ADGRG2: variants seen among roughly 807,000 people sequenced by gnomAD.
ADGRG2 encodes the protein G protein-coupled receptor 64.
ADGRG2 carries 26 observed loss-of-function variants against 74.1 expected under a neutral mutation model. The observed-to-expected ratio is 0.35, with a 90% CI of 0.26 to 0.49. The LOEUF is 0.49. Ranked by LOEUF, ADGRG2 falls within the 20% of genes least tolerant of loss-of-function variation. The pLI, the probability that ADGRG2 is intolerant of heterozygous loss-of-function variation, is 0.99. For missense variants in ADGRG2, 619 were observed against 763.1 expected, an observed-to-expected ratio of 0.81 and a Z score of 2.22; for synonymous variants, 296 against 295.2, an observed-to-expected ratio of 1.00 and a Z score of -0.03.
chrX:18,996,563 C>T (rs2060022523), intron 26 of ADGRG2, among the ~76,000 whole-genome samples: 2 of 109,544 alleles, frequency 1.8e-5, no homozygotes, highest in South Asian at 8.0e-4. Context: ...GCCATCTCCT[C>T]CACACATCTT....
intron 3 of ADGRG2, among the ~76,000 whole-genome samples, chrX:19,061,163 A>G (rs774774600): frequency 1.8e-5 from 2 of 111,651 alleles, no homozygotes; most frequent in Non-Finnish European, 3.8e-5. Context: ...TGAAGTCTAT[A>G]CAGAAGTTTG....
chrX:19,007,180 T>C (rs2060253655), intron 20 of ADGRG2, 55 bp downstream of exon 20: 1 of 1,169,925 alleles, frequency 8.5e-7, no homozygotes, highest in African/African-American at 1.8e-5. Context: ...CTTACAAGCA[T>C]AGTTTGTACA....
intron 6 of ADGRG2, among the ~76,000 whole-genome samples, chrX:19,036,616 AACACACACACACAC>A (rs534574581): frequency 4.2e-5 from 4 of 94,687 alleles, no homozygotes; most frequent in Non-Finnish European, 8.5e-5. Flanking sequence ...TCATACTTAA[AACACACACACACAC>A]ACACACACAC....
intron 1 of ADGRG2, among the ~76,000 whole-genome samples, chrX:19,088,098 C>A (rs760041565): frequency 8.9e-6 from 1 of 112,148 alleles, no homozygotes; most frequent in East Asian, 2.8e-4. Flanking sequence ...TAAGGCATTC[C>A]AAAACAGGAC....
chrX:19,007,911 A>G (rs1264145832), intron 19 of ADGRG2, 69 bp downstream of exon 19: 3 of 923,966 alleles, frequency 3.2e-6, no homozygotes, highest in African/African-American at 2.0e-5. Context: ...ATATTCGAGC[A>G]CTAAAAGAAA....
Position 19,000,187 on chromosome X carries a change from C to T in ADGRG2, c.2231-227G>A, listed in dbSNP as rs993854171. On this transcript the variant is annotated intron_variant, in intron 24 of 28. Coordinates refer to ENST00000379869, the MANE Select transcript of ADGRG2 (RefSeq NM_001079858.3). ...TTTTGTTTTGTATTTTTCGTAGAGA[C>T]GGGGTTTCACCATGTTAGCCAGGAT... is the stretch of plus-strand genomic sequence containing the variant. 5.4e-5 allele frequency among the ~76,000 whole-genome samples: 6 copies of T among 110,309 alleles called. No individual in the cohort carries two copies. In the East Asian group the frequency reaches 1.1e-3, roughly 21 times the overall value.
In ADGRG2 at chrX:19,068,851, G is replaced by A; in HGVS notation, c.-1-16C>T. 1 of 817,775 alleles carries A rather than the reference G, an allele frequency of 1.2e-6. No homozygotes were observed. The highest frequency in any genetic ancestry group is 1.8e-6 in the Non-Finnish European group (1 of 553,352). 67.4% of individuals were successfully genotyped at this position (817,775 alleles called of 1,213,427 possible). A position where few individuals can be genotyped will look rare whatever the true frequency, so the allele number is the denominator to read the frequency against. On this transcript the variant is annotated splice_polypyrimidine_tract_variant and intron_variant, in intron 2 of 28. Coordinates refer to ENST00000379869, the MANE Select transcript of ADGRG2 (RefSeq NM_001079858.3). ...GAAAACCATCCTGGAATAAAGTAAG[G>A]AGAAGACAGATCATCACAGCTGCCA...
chrX:19,014,825 G>A (rs2060433709), intron 15 of ADGRG2, among the ~76,000 whole-genome samples: 1 of 111,271 alleles, frequency 9.0e-6, no homozygotes, highest in Non-Finnish European at 1.9e-5. Flanking sequence ...TAGAGATGGG[G>A]TTTTGCTATG....
At chrX:19,118,961 G>A (rs1024053860) in intron 1 of ADGRG2, among the ~76,000 whole-genome samples, 1 of 111,839 alleles carries the variant, frequency 8.9e-6, no homozygotes, top group Non-Finnish European at 1.9e-5. Context: ...GAATACATAA[G>A]TTCTTTTACA....
chrX:19,040,611 G>A (rs920675902), intron 3 of ADGRG2, among the ~76,000 whole-genome samples: 1 of 111,887 alleles, frequency 8.9e-6, no homozygotes, highest in Non-Finnish European at 1.9e-5. Flanking sequence ...TTTTTAACGT[G>A]TATGTTTGCA....
At chrX:19,038,554 A>C (rs2060990209) in intron 4 of ADGRG2, among the ~76,000 whole-genome samples, 1 of 112,540 alleles carries the variant, frequency 8.9e-6, no homozygotes, top group South Asian at 3.7e-4. Flanking sequence ...GTGTAGATAT[A>C]GAATCCTTTT....
chrX:19,050,067 G>A (rs1042605072), intron 3 of ADGRG2, among the ~76,000 whole-genome samples: 21 of 111,401 alleles, frequency 1.9e-4, no homozygotes, highest in African/African-American at 6.5e-4. Context: ...TCTCTGGGTC[G>A]CAGGGCCTAA....
chrX:19,090,349 A>G (rs2061998459), intron 1 of ADGRG2, among the ~76,000 whole-genome samples: 1 of 111,152 alleles, frequency 9.0e-6, no homozygotes, highest in African/African-American at 3.3e-5. Flanking sequence ...CCTCCCTTCT[A>G]CCCATTGCTC....
intron 1 of ADGRG2, among the ~76,000 whole-genome samples, chrX:19,117,250 C>T (rs1233955423): frequency 9.4e-6 from 1 of 106,943 alleles, no homozygotes; most frequent in South Asian, 4.2e-4. Context: ...GCTGAGATTG[C>T]GCCACTGCAC....
At chrX:19,035,395 T>C (rs2060917356) in intron 7 of ADGRG2, 1 of 112,219 alleles carries the variant, frequency 8.9e-6, no homozygotes, top group South Asian at 3.7e-4. Context: ...ACTTTAAAGT[T>C]CAACATATGG....
At chrX:19,040,295 A>C in intron 3 of ADGRG2, 71 bp from the exon 4 acceptor site, 2 of 698,383 alleles carry the variant, frequency 2.9e-6, no homozygotes, top group Non-Finnish European at 4.4e-6. Context: ...TACTATATTA[A>C]GGATTTTTTG....
rs755610131 is a variant in ADGRG2, at chrX:19,087,021, A to T, written c.-46-4275T>A. Among the ~76,000 whole-genome samples, 223 of 111,528 alleles carry T rather than the reference A, an allele frequency of 2.0e-3. 1 individual carries two copies. The highest frequency in any genetic ancestry group is 3.5e-3 in the Non-Finnish European group (183 of 53,031). On this transcript the variant is annotated intron_variant, in intron 1 of 28. Transcript: ENST00000379869. ...CAAATGGAGATGATGGGGAAGGCAA[A>T]GTTATATGCAGGAGAAGGTTGGGCA...
intron 1 of ADGRG2, among the ~76,000 whole-genome samples, chrX:19,114,091 T>TAA (rs1178920321): frequency 1.4e-5 from 1 of 72,089 alleles, no homozygotes; most frequent in Non-Finnish European, 2.7e-5. Flanking sequence ...AAAAAAAAAG[T>TAA]AAAAAAAAAA....
chrX:19,014,159 C>T, intron 15 of ADGRG2, 85 bp from the exon 16 acceptor site: 2 of 760,212 alleles, frequency 2.6e-6, no homozygotes, highest in Non-Finnish European at 3.8e-6. Flanking sequence ...AATCATCTGA[C>T]ACCGTCAAGT....
Sources: gnomAD v4.1 joint callset for allele counts (sites outside exome capture counted in the v4.1 genomes callset) on GRCh38, gnomAD v4.1.1 for gene constraint, MANE v1.5 for transcripts, NCBI Gene and HGNC (gene_info 2026-07-23, HGNC 2026-07-21) for gene names.